The following SLC25A26 variants were observed in gnomAD, a reference collection of about 807,000 sequenced individuals.
SLC25A26 encodes the protein mitochondrial S-adenosylmethionine carrier protein.
A neutral mutation model predicts 37.8 loss-of-function variants in SLC25A26; 36 were observed. That is an observed-to-expected ratio of 0.95 (90% CI 0.73 to 1.26). The LOEUF (loss-of-function observed/expected upper bound fraction) is 1.26. Ranked by LOEUF, SLC25A26 falls within the 50% of genes most tolerant of loss-of-function variation. SLC25A26 has a pLI of 0.00. For missense variants in SLC25A26, 390 were observed against 331.1 expected (o/e 1.18, Z -1.38); for synonymous variants, 129 against 122.5 (o/e 1.05, Z -0.35).
intron 1 of SLC25A26, among the ~76,000 whole-genome samples, chr3:66,198,440 A>C (rs2071072655): frequency 6.6e-6 from 1 of 152,052 alleles, no homozygotes; most frequent in Non-Finnish European, 1.5e-5. Context: ...TCTGACCTTC[A>C]TAGTGACCCT....
intron 5 of SLC25A26, among the ~76,000 whole-genome samples, chr3:66,300,908 A>G (rs886694288): frequency 3.9e-5 from 6 of 152,178 alleles, no homozygotes; most frequent in Admixed American, 2.6e-4. Context: ...TTCCAACACA[A>G]TTTAAAATTC....
chr3:66,363,044 T>A (rs527758022), intron 7 of SLC25A26, 115 bp downstream of exon 7: 1 of 461,612 alleles, frequency 2.2e-6, no homozygotes, highest in East Asian at 3.8e-5. Flanking sequence ...TGAAGAGCGC[T>A]CCACTAGTTG....
intron 5 of SLC25A26, among the ~76,000 whole-genome samples, chr3:66,345,985 A>C (rs332356): frequency 0.078 from 11,858 of 152,104 alleles, 650 homozygotes; most frequent in African/African-American, 0.16. Context: ...TTGAGCCCTC[A>C]AGTTTGAGAC....
At chr3:66,363,749 A>G (rs888234067) in intron 7 of SLC25A26, among the ~76,000 whole-genome samples, 36 of 152,306 alleles carry the variant, frequency 2.4e-4, no homozygotes, top group Non-Finnish European at 4.4e-4. Context: ...TTATTTTGCA[A>G]TTTGTTTAAT....
Position 66,221,113 on chromosome 3 carries a change from G to T in SLC25A26, c.19G>T (p.Val7Leu), listed in dbSNP as rs2071468534. MDRPGF[V>L]AALVAGGVAG... ...AGCGACCATGGACCGGCCGGGGTTCGTGGCAGCGCTGGTGGTGAGTGCGGG... is the reference window on the plus strand; with the variant it reads ...AGCGACCATGGACCGGCCGGGGTTCTTGGCAGCGCTGGTGGTGAGTGCGGG... The change falls in exon 1 of 10, where the codon GTG becomes TTG. Residue 7 changes from valine to leucine, a missense_variant. Coordinates refer to ENST00000354883, the MANE Select transcript of SLC25A26 (RefSeq NM_001379210.1). The T allele has an allele frequency of 3.9e-6, 6 of 1,530,978 alleles. No individual in the cohort carries two copies. The highest frequency in any genetic ancestry group is 4.4e-6 in the Non-Finnish European group (5 of 1,144,190). The allele number at this position is 1,530,978 out of a possible 1,614,324, so 94.8% of individuals were successfully genotyped here.
At chr3:66,189,251 C>T (rs933841402) in intron 1 of SLC25A26, among the ~76,000 whole-genome samples, 2 of 151,770 alleles carry the variant, frequency 1.3e-5, no homozygotes, top group Non-Finnish European at 1.5e-5. Context: ...AAATATACAC[C>T]CACTCTCACT....
Position 66,312,965 on chromosome 3 carries a change from CTGTT to C in SLC25A26, c.454-33381_454-33378del, listed in dbSNP as rs758323579. 1.1e-4 allele frequency among the ~76,000 whole-genome samples: 17 copies of C among 152,096 alleles called. No individual in the cohort carries two copies. In the South Asian group the frequency reaches 1.2e-3, roughly 11 times the overall value. Reference sequence around the variant, plus strand: ...TATTCAGCCATCTTGCCAGATCCCCCTGTTTGTTTGTTTGTTTGTTTTTCATGTA... The same window carrying C: ...TATTCAGCCATCTTGCCAGATCCCCCTGTTTGTTTGTTTGTTTTTCATGTA... On this transcript the variant is annotated intron_variant, in intron 5 of 9. Coordinates refer to ENST00000354883, the MANE Select transcript of SLC25A26 (RefSeq NM_001379210.1).
intron 3 of SLC25A26, among the ~76,000 whole-genome samples, chr3:66,251,564 A>C (rs560360162): frequency 6.6e-6 from 1 of 152,328 alleles, no homozygotes; most frequent in African/African-American, 2.4e-5. Context: ...TAACACGCAG[A>C]GAGGGAAAGA....
At chr3:66,352,601 A>C (rs963678362) in intron 6 of SLC25A26, among the ~76,000 whole-genome samples, 2 of 151,754 alleles carry the variant, frequency 1.3e-5, no homozygotes, top group African/African-American at 4.9e-5. Context: ...TAATATCTGT[A>C]TATTTAAGGT....
At chr3:66,345,825 TA>T (rs2076309441) in intron 5 of SLC25A26, among the ~76,000 whole-genome samples, 1 of 152,222 alleles carries the variant, frequency 6.6e-6, no homozygotes, top group African/African-American at 2.4e-5. Context: ...GTCATTTCAG[TA>T]GCCAGACTAT....
chr3:66,314,069 G>A (rs2107614308), intron 5 of SLC25A26, among the ~76,000 whole-genome samples: 1 of 152,272 alleles, frequency 6.6e-6, no homozygotes, highest in South Asian at 2.1e-4. Flanking sequence ...TCTGCAAACA[G>A]AGACAATTTG....
chr3:66,227,144 G>A (rs570875715), intron 1 of SLC25A26, among the ~76,000 whole-genome samples: 1 of 152,144 alleles, frequency 6.6e-6, no homozygotes, highest in Non-Finnish European at 1.5e-5. Flanking sequence ...GCGAAGACTT[G>A]CTGACATAAC....
rs2070416808 is a variant in SLC25A26, at chr3:66,165,773, C to A, written c.-354+31789C>A. 2.0e-5 allele frequency among the ~76,000 whole-genome samples: 3 copies of A among 152,106 alleles called. No individual in the cohort carries two copies. In the South Asian group the frequency reaches 6.2e-4, roughly 32 times the overall value. On this transcript the variant is annotated intron_variant, in intron 1 of 10. Coordinates refer to the SLC25A26 transcript ENST00000676754. Reference sequence around the variant, plus strand: ...TAGTATATAATTTGCCTTTTCCCCCCATCAATCTTGAAAAACAAAATACGG... The same window carrying A: ...TAGTATATAATTTGCCTTTTCCCCCAATCAATCTTGAAAAACAAAATACGG...
At chr3:66,149,965 A>C (rs1254057524) in intron 1 of SLC25A26, among the ~76,000 whole-genome samples, 4 of 152,122 alleles carry the variant, frequency 2.6e-5, no homozygotes, top group African/African-American at 9.7e-5. Flanking sequence ...GGGAGGAGAA[A>C]GATTAGGGAA....
intron 1 of SLC25A26, among the ~76,000 whole-genome samples, chr3:66,134,574 C>G (rs1201480927): frequency 1.3e-5 from 2 of 152,182 alleles, no homozygotes. Context: ...CTCAAGTTAC[C>G]TTAATTGCTT....
chr3:66,364,114 G>C (rs370848362), intron 7 of SLC25A26, among the ~76,000 whole-genome samples: 1 of 152,250 alleles, frequency 6.6e-6, no homozygotes, highest in East Asian at 1.9e-4. Context: ...ACTTTTTAAA[G>C]TTAGCAATAC....
Position 66,236,993 on chromosome 3 carries a change from T to C in SLC25A26, c.190+293T>C, listed in dbSNP as rs147780924. ...CTGGGACTACAGGCGTGCACCACCA[T>C]GCCCAGCTAATTTTTGTACTTTTTG... On this transcript the variant is annotated intron_variant, in intron 2 of 9. Coordinates refer to ENST00000354883, the MANE Select transcript of SLC25A26 (RefSeq NM_001379210.1). Among the ~76,000 whole-genome samples, 66,763 of 151,894 alleles carry C rather than the reference T, an allele frequency of 0.44. 16,993 individuals carry two copies. The highest frequency in any genetic ancestry group is 0.7 in the African/African-American group (28,881 of 41,432).
At position 66,369,377 on chromosome 3, in the gene SLC25A26, A is replaced by G. The variant is rs1041598537; in HGVS notation, c.569-101A>G. The stretch of plus-strand genomic sequence containing the variant: ...TCCTGTTCTTCAATCAGCCAGGTGT[A>G]CATAATGACGAAGTGATTTGGGCAG... On this transcript the variant is annotated intron_variant, in intron 7 of 9. Coordinates refer to ENST00000354883, the MANE Select transcript of SLC25A26 (RefSeq NM_001379210.1). 5 of 647,632 alleles carry G rather than the reference A, an allele frequency of 7.7e-6. No homozygotes were observed. In the South Asian group the frequency reaches 9.2e-5, roughly 12 times the overall value. The allele number at this position is 647,632 out of a possible 1,614,324, so 40.1% of individuals were successfully genotyped here. A position where few individuals can be genotyped will look rare whatever the true frequency, so the allele number is the denominator to read the frequency against.
At chr3:66,155,248 G>A (rs2070265369) in intron 1 of SLC25A26, among the ~76,000 whole-genome samples, 1 of 152,216 alleles carries the variant, frequency 6.6e-6, no homozygotes, top group Non-Finnish European at 1.5e-5. Context: ...GGTGGCTCAT[G>A]CCTGTAATCC....
Sources: allele counts gnomAD v4.1 joint callset (sites outside exome capture counted in the v4.1 genomes callset), GRCh38; gene constraint gnomAD v4.1.1; transcripts MANE v1.5; gene names NCBI Gene and HGNC (gene_info 2026-07-23, HGNC 2026-07-21).